DLG2: variants seen among roughly 807,000 people sequenced by gnomAD.
DLG2 encodes disks large homolog 2.
In DLG2, 45 loss-of-function variants were observed where a neutral mutation model predicts 132.5. The ratio of observed to expected loss-of-function variants is 0.34; its 90% CI spans 0.27 to 0.44. DLG2 has a LOEUF of 0.44. Ranked by LOEUF, DLG2 falls within the 20% of genes least tolerant of loss-of-function variation. The pLI, the probability that DLG2 is intolerant of heterozygous loss-of-function variation, is 1.00. For synonymous variants in DLG2, 424 were observed against 419.6 expected (o/e 1.01, Z -0.13); for missense variants, 1,045 against 1,196.9 (o/e 0.87, Z 1.87).
chr11:84,288,022 G>A (rs878878920), intron 7 of DLG2, among the ~76,000 whole-genome samples: 1 of 151,290 alleles, frequency 6.6e-6, no homozygotes, highest in Admixed American at 6.6e-5. Flanking sequence ...GTAGGCAGTG[G>A]AACAATAATA....
At chr11:84,837,550 T>C (rs537992256) in intron 6 of DLG2, among the ~76,000 whole-genome samples, 1 of 151,912 alleles carries the variant, frequency 6.6e-6, no homozygotes, top group South Asian at 2.1e-4. Context: ...TTTTAGCTCA[T>C]TTGTAATCAG....
chr11:84,986,430 C>T (rs1021503301), intron 6 of DLG2, among the ~76,000 whole-genome samples: 1 of 152,112 alleles, frequency 6.6e-6, no homozygotes, highest in African/African-American at 2.4e-5. Flanking sequence ...TCTATGAAGC[C>T]AGTATCACCC....
intron 11 of DLG2, among the ~76,000 whole-genome samples, chr11:83,988,405 G>A (rs1290864544): frequency 1.3e-5 from 2 of 151,932 alleles, no homozygotes; most frequent in Admixed American, 6.6e-5. Context: ...CTCTTTTTTG[G>A]TTCCATAAGA....
chr11:84,778,342 G>T (rs970942817), intron 6 of DLG2, among the ~76,000 whole-genome samples: 4 of 152,066 alleles, frequency 2.6e-5, no homozygotes, highest in Non-Finnish European at 5.9e-5. Flanking sequence ...CCAGTATCAT[G>T]CTGGTTTGAT....
At chr11:84,844,873 T>A (rs2081263275) in intron 6 of DLG2, among the ~76,000 whole-genome samples, 1 of 152,198 alleles carries the variant, frequency 6.6e-6, no homozygotes, top group African/African-American at 2.4e-5. Context: ...GTATTACTTA[T>A]GTGAACATCT....
At chr11:85,517,841 A>C (rs1014880651) in intron 3 of DLG2, among the ~76,000 whole-genome samples, 3 of 152,162 alleles carry the variant, frequency 2.0e-5, no homozygotes, top group African/African-American at 4.8e-5. Flanking sequence ...GTGGGAGATA[A>C]CTGAATCATG....
At chr11:84,954,664 G>A (rs72955584) in intron 6 of DLG2, among the ~76,000 whole-genome samples, 3,342 of 152,188 alleles carry the variant, frequency 0.022, 51 homozygotes, top group Non-Finnish European at 0.035. Context: ...TCCAAACACT[G>A]GGGTGCCTCC....
intron 6 of DLG2, among the ~76,000 whole-genome samples, chr11:85,098,757 T>TA (rs752186590): frequency 3.1e-4 from 47 of 152,360 alleles, no homozygotes; most frequent in Admixed American, 2.2e-3. Context: ...TATTTTTTTT[T>TA]ACCATAGGTT....
chr11:84,478,757 A>C (rs1412585939), intron 7 of DLG2, among the ~76,000 whole-genome samples: 1 of 152,090 alleles, frequency 6.6e-6, no homozygotes, highest in Non-Finnish European at 1.5e-5. Flanking sequence ...TATTTTTTTC[A>C]ACACAAAGTG....
chr11:84,801,556 G>T lies in DLG2; in HGVS notation c.358-266825C>A, dbSNP rs375804203. ...ACCCTGGGAGACAGAGTGAGACTCC[G>T]TCTAAAAAATAATTGCTTAATTGAG... On this transcript the variant is annotated intron_variant, in intron 6 of 27. Transcript: ENST00000376104. Among the ~76,000 whole-genome samples the T allele has an allele frequency of 6.5e-4, 99 of 152,266 alleles. 2 individuals are homozygous for T. In the South Asian group the frequency reaches 0.02, roughly 31 times the overall value.
At chr11:84,728,851 C>T (rs527468960) in intron 6 of DLG2, among the ~76,000 whole-genome samples, 1 of 152,262 alleles carries the variant, frequency 6.6e-6, no homozygotes, top group East Asian at 1.9e-4. Flanking sequence ...TTATCCATTT[C>T]TTCTAGATTT....
At chr11:84,826,373 C>T (rs1453082899) in intron 6 of DLG2, among the ~76,000 whole-genome samples, 2 of 151,816 alleles carry the variant, frequency 1.3e-5, no homozygotes, top group African/African-American at 2.4e-5. Context: ...TCTTTGACTT[C>T]CAGAATCCAT....
chr11:85,383,062 A>T (rs994412565), intron 3 of DLG2, among the ~76,000 whole-genome samples: 9 of 152,194 alleles, frequency 5.9e-5, no homozygotes, highest in African/African-American at 1.9e-4. Context: ...TAATAGTCAA[A>T]CAGTAGAAAC....
intron 3 of DLG2, among the ~76,000 whole-genome samples, chr11:85,482,382 G>C (rs921441034): frequency 6.6e-6 from 1 of 152,100 alleles, no homozygotes; most frequent in African/African-American, 2.4e-5. Context: ...CCAGTGCAAG[G>C]CCAGTCCCCA....
intron 7 of DLG2, among the ~76,000 whole-genome samples, chr11:84,446,671 G>T (rs531506624): frequency 3.2e-4 from 48 of 149,260 alleles, no homozygotes; most frequent in African/African-American, 8.2e-4. Context: ...ATGCATCCTT[G>T]TTGCTACCCT....
At chr11:85,393,330 T>C (rs1451232630) in intron 3 of DLG2, among the ~76,000 whole-genome samples, 2 of 152,104 alleles carry the variant, frequency 1.3e-5, no homozygotes, top group East Asian at 3.8e-4. Context: ...ATAATAGTTG[T>C]TAGCATGGAT....
chr11:84,189,502 T>C lies in DLG2; in HGVS notation c.574-25991A>G, dbSNP rs544125501. 1.3e-3 allele frequency among the ~76,000 whole-genome samples: 191 copies of C among 152,232 alleles called. 1 individual carries two copies. The highest frequency in any genetic ancestry group is 3.4e-3 in the Middle Eastern group (1 of 292). On this transcript the variant is annotated intron_variant, in intron 8 of 27. Coordinates refer to ENST00000376104, the MANE Select transcript of DLG2 (RefSeq NM_001142699.3). ...TACCCAAGGAATATAAATCATTCTA[T>C]TATAAAGATACATGCAAGTGTGTGT... is the stretch of plus-strand genomic sequence containing the variant.
chr11:84,938,070 A>C (rs563656665), intron 6 of DLG2, among the ~76,000 whole-genome samples: 1 of 152,302 alleles, frequency 6.6e-6, no homozygotes, highest in African/African-American at 2.4e-5. Context: ...GTGGCTTTTT[A>C]ACAGTTCTGT....
intron 7 of DLG2, among the ~76,000 whole-genome samples, chr11:84,422,902 G>T (rs990513252): frequency 4.6e-5 from 7 of 152,054 alleles, no homozygotes; most frequent in Admixed American, 2.6e-4. Flanking sequence ...GCAACAAAAT[G>T]CTTAAACATC....
Sources: gnomAD v4.1 joint callset for allele counts (sites outside exome capture counted in the v4.1 genomes callset) on GRCh38, gnomAD v4.1.1 for gene constraint, MANE v1.5 for transcripts, NCBI Gene and HGNC (gene_info 2026-07-23, HGNC 2026-07-21) for gene names.